PRDM1: variants seen among roughly 807,000 people sequenced by gnomAD.
PRDM1 encodes PR domain zinc finger protein 1.
PRDM1 carries 13 observed loss-of-function variants against 62.8 expected under a neutral mutation model. That is an observed-to-expected ratio of 0.21 (90% CI 0.13 to 0.33). The LOEUF is 0.33. Ranked by LOEUF, PRDM1 falls within the 10% of genes least tolerant of loss-of-function variation. The pLI, the probability that PRDM1 is intolerant of heterozygous loss-of-function variation, is 1.00. For missense variants in PRDM1, 895 were observed against 1,058.8 expected (o/e 0.85, Z 2.15); for synonymous variants, 396 against 417.6 (o/e 0.95, Z 0.63).
intron 1 of PRDM1, among the ~76,000 whole-genome samples, chr6:106,049,117 C>A (rs1254999849): frequency 6.6e-6 from 1 of 152,126 alleles, no homozygotes. Context: ...CGCCTGGCCC[C>A]ATTTCCAATT....
intron 1 of PRDM1, among the ~76,000 whole-genome samples, chr6:106,031,988 C>G (rs1562148799): frequency 6.6e-6 from 1 of 151,972 alleles, no homozygotes; most frequent in Non-Finnish European, 1.5e-5. Flanking sequence ...TTTATTTTTC[C>G]TGAGGCATTT....
chr6:106,006,812 A>G (rs1582423373), intron 1 of PRDM1, among the ~76,000 whole-genome samples: 1 of 151,888 alleles, frequency 6.6e-6, no homozygotes, highest in Non-Finnish European at 1.5e-5. Flanking sequence ...TGGCTTCTCT[A>G]CTTTGACAAC....
chr6:106,027,624 G>A (rs549949085), intron 1 of PRDM1, among the ~76,000 whole-genome samples: 2 of 151,824 alleles, frequency 1.3e-5, no homozygotes, highest in East Asian at 3.9e-4. Flanking sequence ...GGTGGTGGGG[G>A]ACCAGGAGGA....
Position 106,099,388 on chromosome 6 carries a change from C to A in PRDM1, c.500C>A (p.Ser167Tyr). The A allele has an allele frequency of 1.2e-6, 2 of 1,614,210 alleles. No homozygotes were observed. The highest frequency in any genetic ancestry group is 1.7e-6 in the Non-Finnish European group (2 of 1,180,042). ...ATGCGCTATGTGAATCCAGCACACT[C>A]TCCCCGGGAGCAAAACCTGGCTGCG... ...NWMRYVNPAH[S>Y]PREQNLAACQ... Residue 167 changes from serine to tyrosine, a missense_variant, in exon 4 of 7, where the codon TCT becomes TAT. Coordinates refer to ENST00000369096, the MANE Select transcript of PRDM1 (RefSeq NM_001198.4).
Position 106,105,131 on chromosome 6 carries a change from T to G in PRDM1, c.971T>G (p.Ile324Ser), listed in dbSNP as rs747381082. The G allele has an allele frequency of 1.1e-5, 17 of 1,613,422 alleles. No homozygotes were observed. Among genetic ancestry groups the G allele is most frequent in the Non-Finnish European group, 1.4e-5 (17 of 1,179,804 alleles). The stretch of plus-strand genomic sequence containing the variant: ...TACGGGATCGAGAGACCCACGTACA[T>G]CACTCGCTCCCCCATTCCATCCTCC... Reference protein sequence around the residue: ...LAYGIERPTYITRSPIPSSTT... With the variant: ...LAYGIERPTYSTRSPIPSSTT... Residue 324 changes from isoleucine to serine, a missense_variant, in exon 5 of 7, where the codon ATC becomes AGC. This residue lies in a region of PRDM1 where 444 missense variants were observed against 422.7 expected (regional missense o/e 1.05). Transcript: ENST00000369096.
At chr6:106,039,391 T>C (rs1468206877) in intron 1 of PRDM1, among the ~76,000 whole-genome samples, 1 of 152,240 alleles carries the variant, frequency 6.6e-6, no homozygotes, top group Non-Finnish European at 1.5e-5. Context: ...TTTATTTTCA[T>C]CTAAGAGAAA....
chr6:106,086,322 G>C (rs191284166), upstream of PRDM1: 4 of 445,262 alleles, frequency 9.0e-6, no homozygotes, highest in Admixed American at 1.6e-4. Flanking sequence ...GCAGGGAGGG[G>C]AAGCCAGACG....
upstream of PRDM1, chr6:106,045,843 G>A (rs1211540975): frequency 2.6e-5 from 4 of 152,154 alleles, no homozygotes; most frequent in Non-Finnish European, 4.4e-5. Context: ...TTAGGCAAAA[G>A]CTAAACAAAA....
intron 4 of PRDM1, among the ~76,000 whole-genome samples, chr6:106,100,774 G>A (rs191756618): frequency 6.6e-6 from 1 of 152,156 alleles, no homozygotes; most frequent in Admixed American, 6.5e-5. Context: ...AAAGCATCAG[G>A]ACCTCCCCCG....
At chr6:106,052,162 A>T (rs966372556) in intron 1 of PRDM1, among the ~76,000 whole-genome samples, 34 of 152,224 alleles carry the variant, frequency 2.2e-4, no homozygotes, top group Admixed American at 5.2e-4. Flanking sequence ...AAAGTGGTTA[A>T]AATGGTAAGT....
intron 1 of PRDM1, among the ~76,000 whole-genome samples, chr6:106,007,847 G>T (rs1300197483): frequency 6.6e-6 from 1 of 152,156 alleles, no homozygotes; most frequent in Admixed American, 6.5e-5. Context: ...TCCATCTCCA[G>T]TCTTTCCTCC....
At chr6:106,067,485 G>A (rs1200880445) in intron 1 of PRDM1, among the ~76,000 whole-genome samples, 1 of 152,124 alleles carries the variant, frequency 6.6e-6, no homozygotes, top group African/African-American at 2.4e-5. Flanking sequence ...AATAGTGGAA[G>A]CAACCCATGT....
intron 4 of PRDM1, among the ~76,000 whole-genome samples, chr6:106,103,352 T>C (rs964891098): frequency 6.6e-6 from 1 of 152,162 alleles, no homozygotes. Context: ...AGATAGCAAG[T>C]GTGGAGTTCT....
At chr6:106,049,569 C>T (rs535321382) in intron 1 of PRDM1, among the ~76,000 whole-genome samples, 1 of 152,302 alleles carries the variant, frequency 6.6e-6, no homozygotes, top group South Asian at 2.1e-4. Flanking sequence ...GCTCCGATGA[C>T]ACCTTCTCCA....
At chr6:106,007,086 A>T (rs1375974983) in intron 1 of PRDM1, among the ~76,000 whole-genome samples, 2 of 151,806 alleles carry the variant, frequency 1.3e-5, no homozygotes, top group Admixed American at 1.3e-4. Context: ...CATTTTTCTT[A>T]GTTTGCTTCC....
chr6:106,088,377 C>CGGTACT lies in PRDM1; in HGVS notation c.220_225dup (p.Gly74_Thr75dup). On this transcript the variant is annotated inframe_insertion, in exon 2 of 7. Transcript: ENST00000369096. Reference sequence around the variant, plus strand: ...ACCCCTGGGATTCTGGTGCTGATGGCGGTACTTCGGTTCAGGCGGAGGCAT... The same window carrying CGGTACT: ...ACCCCTGGGATTCTGGTGCTGATGGCGGTACTGGTACTTCGGTTCAGGCGGAGGCAT... 6.2e-7 allele frequency: 1 copy of CGGTACT among 1,614,082 alleles called. No homozygotes were observed. The highest frequency in any genetic ancestry group is 8.5e-7 in the Non-Finnish European group (1 of 1,179,980).
At chr6:106,096,854 C>T (rs1774129255) in intron 3 of PRDM1, among the ~76,000 whole-genome samples, 2 of 152,020 alleles carry the variant, frequency 1.3e-5, no homozygotes, top group South Asian at 4.1e-4. Context: ...ATTTAGTAAG[C>T]GTTTTTTTGT....
At position 106,020,218 on chromosome 6, in the gene PRDM1, T is replaced by C. The variant is rs77334932; in HGVS notation, c.-67+26579T>C. Among the ~76,000 whole-genome samples, 435 of 149,374 alleles carry C rather than the reference T, an allele frequency of 2.9e-3. 2 individuals carry two copies. The highest frequency in any genetic ancestry group is 9.9e-3 in the African/African-American group (403 of 40,844). ...AAAAACCCACAAACAAACAAAAACA[T>C]GAAAGTTAAAAAGAGAGGGAACCAA... On this transcript the variant is annotated intron_variant, in intron 1 of 6. Transcript: ENST00000652320.
At chr6:106,044,850 C>T (rs115632272), upstream of PRDM1, among the ~76,000 whole-genome samples, 894 of 152,224 alleles carry the variant, frequency 5.9e-3, 13 homozygotes, top group African/African-American at 0.02. Flanking sequence ...AGGCAGTGAA[C>T]GTCATTTTCA....
Sources: gnomAD v4.1 joint callset for allele counts (sites outside exome capture counted in the v4.1 genomes callset) on GRCh38, gnomAD v4.1.1 for gene constraint, gnomAD v4.1.1 regional missense constraint, MANE v1.5 for transcripts, NCBI Gene and HGNC (gene_info 2026-07-23, HGNC 2026-07-21) for gene names.